The following ACHE variants were observed in gnomAD, a reference collection of about 807,000 sequenced individuals.
The protein encoded by ACHE is acetylcholinesterase (Yt blood group).
ACHE carries 19 observed loss-of-function variants against 53.9 expected under a neutral mutation model. The ratio of observed to expected loss-of-function variants is 0.35; its 90% CI spans 0.25 to 0.52. The LOEUF (loss-of-function observed/expected upper bound fraction) is 0.52, where lower values mean the gene tolerates loss of function less well. Ranked by LOEUF, ACHE falls within the 20% of genes least tolerant of loss-of-function variation. The pLI is 0.95. For synonymous variants in ACHE, 392 were observed against 378.1 expected (o/e 1.04, Z -0.43); for missense variants, 605 against 849.4 (o/e 0.71, Z 3.58).
upstream of ACHE, chr7:100,896,379 C>T: frequency 6.3e-6 from 1 of 159,246 alleles, no homozygotes; most frequent in Non-Finnish European, 1.4e-5. Flanking sequence ...TGGCAGAGTA[C>T]CGTCCCCTTA....
chr7:100,890,667 G>A (rs1270485409), intron 4 of ACHE: 25 of 1,335,376 alleles, frequency 1.9e-5, no homozygotes, highest in Non-Finnish European at 2.4e-5. Flanking sequence ...CCAATGGGGG[G>A]TGCTACCCCG....
intron 3 of ACHE, among the ~76,000 whole-genome samples, chr7:100,891,784 T>C (rs1378120808): frequency 2.5e-5 from 1 of 40,772 alleles, no homozygotes; most frequent in Admixed American, 4.1e-4. Context: ...TTGGTCTCCC[T>C]TTTTTTTTTT....
chr7:100,891,053 G>T (rs1233831338), intron 4 of ACHE, 116 bp downstream of exon 4: 1 of 1,482,622 alleles, frequency 6.7e-7, no homozygotes, highest in East Asian at 2.5e-5. Context: ...GCCTCCCCAT[G>T]GGTGAAGCCT....
At chr7:100,894,714 G>A (rs1790936175) in intron 1 of ACHE, among the ~76,000 whole-genome samples, 1 of 152,164 alleles carries the variant, frequency 6.6e-6, no homozygotes, top group African/African-American at 2.4e-5. Flanking sequence ...GGCCCTGGGG[G>A]GCGGTGGGCT....
At chr7:100,891,955 ATT>A (rs908536395) in intron 3 of ACHE, among the ~76,000 whole-genome samples, 12 of 150,606 alleles carry the variant, frequency 8.0e-5, no homozygotes, top group Non-Finnish European at 1.5e-5. Flanking sequence ...TAAGTTTTGT[ATT>A]TTTTTTCTTT....
Position 100,891,178 on chromosome 7 carries a change from T to G in ACHE, c.1714A>C (p.Ser572Arg), listed in dbSNP as rs778251084. 2 of 1,606,220 alleles carry G rather than the reference T, an allele frequency of 1.2e-6. No homozygotes were observed. Among genetic ancestry groups the G allele is most frequent in the Non-Finnish European group, 1.7e-6 (2 of 1,177,206 alleles). The change falls in exon 4 of 5, where the codon AGC becomes CGC. Residue 572 changes from serine (S) to arginine (R), a missense_variant. Around this residue, in one of 4 missense-constraint regions of ACHE, gnomAD observed 91 missense variants for 83.2 expected, o/e 1.09. Transcript: ENST00000241069. ...GCTGGCCCCTGCATACCGGTGGCGCTGAGCAATTTGGGGAGGAAGCGGTTC... is the reference window on the plus strand; with the variant it reads ...GCTGGCCCCTGCATACCGGTGGCGCGGAGCAATTTGGGGAGGAAGCGGTTC... ...FWNRFLPKLL[S>R]ATDTLDEAER...
At chr7:100,891,976 C>T (rs552535225) in intron 3 of ACHE, among the ~76,000 whole-genome samples, 7 of 151,724 alleles carry the variant, frequency 4.6e-5, no homozygotes, top group African/African-American at 1.4e-4. Context: ...TTTTAAGAGT[C>T]GGGGTCTTGT....
At chr7:100,890,652 T>C (rs750571389) in intron 4 of ACHE, 19 of 1,377,474 alleles carry the variant, frequency 1.4e-5, no homozygotes, top group Non-Finnish European at 1.5e-5. Flanking sequence ...TTGACCGTTA[T>C]AGCCCCAATG....
chr7:100,896,641 G>C (rs1330175047), upstream of ACHE: 1 of 287,814 alleles, frequency 3.5e-6, no homozygotes, highest in Admixed American at 4.6e-5. Context: ...TGGAACCCCC[G>C]CGGGTGGGTC....
At chr7:100,895,385 C>T (rs1237806443) in intron 1 of ACHE, among the ~76,000 whole-genome samples, 1 of 151,280 alleles carries the variant, frequency 6.6e-6, no homozygotes, top group Non-Finnish European at 1.5e-5. Context: ...GCGTCCTGGG[C>T]CTCGGAGGGG....
chr7:100,892,685 A>G lies in ACHE; in HGVS notation c.1202T>C (p.Val401Ala). The change falls in exon 3 of 5, where the codon GTA (valine) becomes GCA (alanine). Residue 401 changes from valine to alanine, a missense_variant. Around this residue, in one of 4 missense-constraint regions of ACHE, gnomAD observed 397 missense variants for 632.5 expected, o/e 0.63. Transcript: ENST00000241069. This position sits in a 1 kb window ranked among gnomAD's most constrained non-coding sequence, Gnocchi z 5.2. The part of the protein sequence containing the change: ...LAGVRVGVPQ[V>A]SDLAAEAVVL... ...CACAGCCTCGGCTGCCAGGTCACTT[A>G]CCTGGGGAACCCCGACCCGCACCCC... The G allele has an allele frequency of 6.2e-7, 1 of 1,613,386 alleles. No homozygotes were observed. Among genetic ancestry groups the G allele is most frequent in the East Asian group, 2.2e-5 (1 of 44,840 alleles).
chr7:100,895,745 G>T (rs1227801716), intron 1 of ACHE, 57 bp downstream of exon 1: 1 of 152,170 alleles, frequency 6.6e-6, no homozygotes, highest in East Asian at 1.9e-4. Flanking sequence ...CTCGGGGAGC[G>T]CACGGTGCCC....
chr7:100,895,201 G>A (rs1348819557), intron 1 of ACHE, among the ~76,000 whole-genome samples: 3 of 152,094 alleles, frequency 2.0e-5, no homozygotes, highest in African/African-American at 7.2e-5. Flanking sequence ...TCCCCGGGTG[G>A]GAACTCCCCC....
chr7:100,894,202 G>C lies in ACHE; in HGVS notation c.31C>G (p.Pro11Ala). MRPPQCLLHT[P>A]SLASPLLLLL... ...AGAAGGAGTGGGGAAGCCAGGGAAG[G>C]CGTGTGCAGCAGACACTGCGGGGGC... Residue 11 changes from proline to alanine, a missense_variant, in exon 2 of 5, where the codon CCT becomes GCT. This residue lies in a region of ACHE where 89 missense variants were observed against 78.9 expected (regional missense o/e 1.13). Coordinates refer to ENST00000241069, the MANE Select transcript of ACHE (RefSeq NM_000665.5). 2.0e-6 allele frequency: 3 copies of C among 1,470,634 alleles called. No individual in the cohort carries two copies. The highest frequency in any genetic ancestry group is 2.7e-6 in the Non-Finnish European group (3 of 1,117,432). 91.1% of individuals were successfully genotyped at this position (1,470,634 alleles called of 1,614,324 possible).
Position 100,894,241 on chromosome 7 carries a change from G to A in ACHE, c.-9C>T. 2 of 1,431,884 alleles carry A rather than the reference G, an allele frequency of 1.4e-6. No homozygotes were observed. Among genetic ancestry groups the A allele is most frequent in the Non-Finnish European group, 1.8e-6 (2 of 1,097,296 alleles). 88.7% of individuals were successfully genotyped at this position (1,431,884 alleles called of 1,614,324 possible). On this transcript the variant is annotated 5_prime_UTR_variant, in exon 2 of 5. Coordinates refer to ENST00000241069, the MANE Select transcript of ACHE (RefSeq NM_000665.5). ...CACTGCGGGGGCCTCATGGCTGCAGGGCAGGCGGCGTCTGCTGGGAGAAAG... is the reference window on the plus strand; with the variant it reads ...CACTGCGGGGGCCTCATGGCTGCAGAGCAGGCGGCGTCTGCTGGGAGAAAG...
rs909312304 is a variant in ACHE, at chr7:100,894,858, C to T, written c.-20-606G>A. Among the ~76,000 whole-genome samples, 6 of 152,134 alleles carry T rather than the reference C, an allele frequency of 3.9e-5. No individual in the cohort carries two copies. In the South Asian group the frequency reaches 8.3e-4, roughly 21 times the overall value. On this transcript the variant is annotated intron_variant, in intron 1 of 4. Coordinates refer to ENST00000241069, the MANE Select transcript of ACHE (RefSeq NM_000665.5). ...GATGCCCGCGGGTTCCCATCAGCTGCGCACGCTCCCAGCCCAGCCCCAGCA... is the reference window on the plus strand; with the variant it reads ...GATGCCCGCGGGTTCCCATCAGCTGTGCACGCTCCCAGCCCAGCCCCAGCA...
chr7:100,895,105 G>A (rs556054080), intron 1 of ACHE, among the ~76,000 whole-genome samples: 8 of 152,238 alleles, frequency 5.3e-5, no homozygotes, highest in African/African-American at 1.7e-4. Flanking sequence ...CCGGGACTCC[G>A]GAGATCCCCG....
In ACHE at chr7:100,893,243, G is replaced by T; in HGVS notation, c.990C>A (p.Phe330Leu). 6.2e-7 allele frequency: 1 copy of T among 1,614,094 alleles called. No individual in the cohort carries two copies. Among genetic ancestry groups the T allele is most frequent in the Non-Finnish European group, 8.5e-7 (1 of 1,180,020 alleles). ...LPQESVFRFSFVPVVDGDFLS... is the reference protein window; with the variant it reads ...LPQESVFRFSLVPVVDGDFLS... Reference sequence around the variant, plus strand: ...GGAAGTCTCCATCTACCACAGGCACGAAGGAGAACCGGAAGACGCTTTCTT... The same window carrying T: ...GGAAGTCTCCATCTACCACAGGCACTAAGGAGAACCGGAAGACGCTTTCTT... The change falls in exon 2 of 5, where the codon TTC becomes TTA. Residue 330 changes from phenylalanine to leucine, a missense_variant. Coordinates refer to ENST00000241069, the MANE Select transcript of ACHE (RefSeq NM_000665.5).
chr7:100,890,302 G>A lies in ACHE; in HGVS notation c.1757C>T (p.Ala586Val), dbSNP rs1200357957. ...GTAGGAGCTCCAGCGGTGGAACTCG[G>A]CCTTCCACTGGCGCTCCGCCTCGTC... ...TLDEAERQWK[A>V]EFHRWSSYMV... Residue 586 changes from alanine to valine, a missense_variant, in exon 5 of 5, where the codon GCC (alanine) becomes GTC (valine). By Grantham distance (64) the Ala-to-Val change is moderately conservative. Coordinates refer to ENST00000241069, the MANE Select transcript of ACHE (RefSeq NM_000665.5). The A allele has an allele frequency of 3.7e-6, 6 of 1,607,264 alleles. No homozygotes were observed. Among genetic ancestry groups the A allele is most frequent in the Non-Finnish European group, 5.1e-6 (6 of 1,177,062 alleles).
Sources: allele counts gnomAD v4.1 joint callset (sites outside exome capture counted in the v4.1 genomes callset), GRCh38; gene constraint gnomAD v4.1.1; regional missense constraint gnomAD v4.1.1; non-coding constraint Gnocchi (gnomAD v3.1); transcripts MANE v1.5; gene names NCBI Gene and HGNC (gene_info 2026-07-23, HGNC 2026-07-21).